FCHSD1: variants seen among roughly 807,000 people sequenced by gnomAD.
The protein encoded by FCHSD1 is F-BAR and double SH3 domains protein 1.
FCHSD1 carries 109 observed loss-of-function variants against 101.3 expected under a neutral mutation model. The ratio of observed to expected loss-of-function variants is 1.08; its 90% CI spans 0.92 to 1.26. FCHSD1 has a LOEUF of 1.26. Ranked by LOEUF, FCHSD1 falls within the 50% of genes most tolerant of loss-of-function variation. FCHSD1 has a pLI of 0.00. For missense variants in FCHSD1, 820 were observed against 895.8 expected, an observed-to-expected ratio of 0.92 and a Z score of 1.08; for synonymous variants, 291 against 356.8, an observed-to-expected ratio of 0.82 and a Z score of 2.08.
Position 141,640,316 on chromosome 5 carries a change from C to A in FCHSD1, c.*1182G>T. The A allele has an allele frequency of 6.2e-7, 1 of 1,613,754 alleles. No individual in the cohort carries two copies. The highest frequency in any genetic ancestry group is 8.5e-7 in the Non-Finnish European group (1 of 1,179,796). ...ACCAGGTAGGAAAACACAGCCGGGACTGCACTGGGCTGGGCTCTTATTGCT... is the reference window on the plus strand; with the variant it reads ...ACCAGGTAGGAAAACACAGCCGGGAATGCACTGGGCTGGGCTCTTATTGCT... On this transcript the variant is annotated 3_prime_UTR_variant, in exon 20 of 20. Coordinates refer to ENST00000435817, the MANE Select transcript of FCHSD1 (RefSeq NM_033449.3).
chr5:141,650,284 T>A (rs573553545), intron 3 of FCHSD1, 75 bp downstream of exon 3: 1 of 1,582,104 alleles, frequency 6.3e-7, no homozygotes, highest in African/African-American at 1.3e-5. Context: ...ACAATAGGGA[T>A]AGGTATGGAC....
intron 17 of FCHSD1, among the ~76,000 whole-genome samples, chr5:141,643,516 T>C (rs1363168668): frequency 1.3e-5 from 2 of 152,220 alleles, no homozygotes; most frequent in African/African-American, 4.8e-5. Context: ...TAACAACAGA[T>C]ATCTTATATT....
intron 2 of FCHSD1, among the ~76,000 whole-genome samples, chr5:141,650,790 T>C (rs1318850039): frequency 6.6e-6 from 1 of 150,818 alleles, no homozygotes; most frequent in East Asian, 2.0e-4. Flanking sequence ...AGTCAAGGGC[T>C]TTGAGGGAGG....
intron 18 of FCHSD1, chr5:141,642,098 A>T: frequency 1.9e-6 from 1 of 513,126 alleles, no homozygotes; most frequent in East Asian, 3.4e-5. Context: ...TGGTAACTCC[A>T]GGGAGGGAGA....
At position 141,649,225 on chromosome 5, in the gene FCHSD1, C is replaced by T. The variant is rs1204192716; in HGVS notation, c.459G>A (p.Gln153=). 1 of 1,614,026 alleles carries T rather than the reference C, an allele frequency of 6.2e-7. No homozygotes were observed. Among genetic ancestry groups the T allele is most frequent in the East Asian group, 2.2e-5 (1 of 44,880 alleles). The change falls in exon 6 of 20, where the codon CAG becomes CAA. Residue 153 remains glutamine, a synonymous_variant. Transcript: ENST00000435817. The surrounding 1 kb of genome is among the most constrained non-coding windows in gnomAD (Gnocchi z 4.1). ...ELSRSRKLYG[Q]RERVWALAQE... ...GTGCCAAGGCCCACACACGTTCCCG[C>T]TGCCCATACAGCTTCCGACTTCGGC...
In FCHSD1 at chr5:141,649,603, C is replaced by T; in HGVS notation, c.234-67G>A. 1.3e-6 allele frequency: 2 copies of T among 1,545,446 alleles called. No homozygotes were observed. The highest frequency in any genetic ancestry group is 1.9e-4 in the Middle Eastern group (1 of 5,372). ...AGCTTCATGAGACCACCCCCACCCC[C>T]TGCCCCCTGACCAACACCATGGGAG... On this transcript the variant is annotated intron_variant, in intron 4 of 19. Transcript: ENST00000435817. This position sits in a 1 kb window ranked among gnomAD's most constrained non-coding sequence, Gnocchi z 4.1.
chr5:141,641,924 C>A (rs2099906953), intron 18 of FCHSD1, 167 bp from the exon 19 acceptor site: 2 of 716,206 alleles, frequency 2.8e-6, no homozygotes, highest in South Asian at 1.7e-5. Flanking sequence ...TATTGGGCAA[C>A]TGCTGTATAA....
intron 7 of FCHSD1, 111 bp downstream of exon 7, chr5:141,648,845 AG>A: frequency 8.1e-7 from 1 of 1,240,872 alleles, no homozygotes; most frequent in Non-Finnish European, 1.2e-6. Flanking sequence ...CCCAGGAAGT[AG>A]GAGAGCCTGG....
rs2099908104 is a variant in FCHSD1 at position 141,649,540 on chromosome 5, C to T, written c.234-4G>A. ...GGCACCGAACACTGTCCTGCCCCTCCCCAGAGAAGGTCTGTGTTGAGGAGG... is the reference window on the plus strand; with the variant it reads ...GGCACCGAACACTGTCCTGCCCCTCTCCAGAGAAGGTCTGTGTTGAGGAGG... On this transcript the variant is annotated splice_region_variant and splice_polypyrimidine_tract_variant and intron_variant, in intron 4 of 19. Transcript: ENST00000435817. This position sits in a 1 kb window ranked among gnomAD's most constrained non-coding sequence, Gnocchi z 4.1. The T allele has an allele frequency of 1.2e-6, 2 of 1,610,484 alleles. No homozygotes were observed. The highest frequency in any genetic ancestry group is 1.3e-5 in the African/African-American group (1 of 74,890).
intron 18 of FCHSD1, chr5:141,642,643 G>A (rs1442150163): frequency 1.9e-6 from 1 of 540,530 alleles, no homozygotes; most frequent in African/African-American, 2.0e-5. Context: ...CGTGAGAGAA[G>A]TTAGCTAATT....
Position 141,640,533 on chromosome 5 carries a change from C to CG in FCHSD1, c.*964dup. ...AAGCCTTTCGGCTCCCTGAACCCCC[C>CG]GAGTAAACTGCAGGCTTAGCCTTTG... On this transcript the variant is annotated 3_prime_UTR_variant, in exon 20 of 20. Coordinates refer to ENST00000435817, the MANE Select transcript of FCHSD1 (RefSeq NM_033449.3). 1 of 1,602,154 alleles carries CG rather than the reference C, an allele frequency of 6.2e-7. No homozygotes were observed. The highest frequency in any genetic ancestry group is 2.2e-5 in the East Asian group (1 of 44,452).
In FCHSD1 at chr5:141,639,665, C is replaced by T. The variant is rs1284067112; in HGVS notation, c.*1833G>A. ...CTGTGGGCAGGTGGGGCAGGTGCTC[C>T]AGGGAAAGGGGGGCTGAGGTAGGGG... On this transcript the variant is annotated 3_prime_UTR_variant, in exon 20 of 20. Coordinates refer to ENST00000435817, the MANE Select transcript of FCHSD1 (RefSeq NM_033449.3). The surrounding 1 kb of genome is among the most constrained non-coding windows in gnomAD (Gnocchi z 4.4). The T allele has an allele frequency of 6.3e-7, 1 of 1,587,626 alleles. No individual in the cohort carries two copies. Among genetic ancestry groups the T allele is most frequent in the Non-Finnish European group, 8.6e-7 (1 of 1,166,500 alleles).
rs1465445092 is a variant in FCHSD1 at position 141,648,490 on chromosome 5, C to A, written c.577-394G>T. On this transcript the variant is annotated intron_variant, in intron 7 of 19. Coordinates refer to ENST00000435817, the MANE Select transcript of FCHSD1 (RefSeq NM_033449.3). Reference sequence around the variant, plus strand: ...CATTTCTTCTCTCTGCAATGTTCTTCCCCTAGATCTTTGCAAGGCCAGCTC... The same window carrying A: ...CATTTCTTCTCTCTGCAATGTTCTTACCCTAGATCTTTGCAAGGCCAGCTC... Among the ~76,000 whole-genome samples, 3 of 152,180 alleles carry A rather than the reference C, an allele frequency of 2.0e-5. No homozygotes were observed. The East Asian group carries it at 5.8e-4, about 29-fold the overall frequency.
At chr5:141,647,928 CT>C in intron 8 of FCHSD1, 39 bp downstream of exon 8, 2 of 1,603,100 alleles carry the variant, frequency 1.2e-6, no homozygotes, top group Admixed American at 3.4e-5. Flanking sequence ...CCTCCTTTCC[CT>C]CCCTGCTGAG....
chr5:141,651,255 C>G, intron 1 of FCHSD1, 93 bp downstream of exon 1: 5 of 1,544,210 alleles, frequency 3.2e-6, no homozygotes, highest in Non-Finnish European at 4.4e-6. Flanking sequence ...CTGACCCCTT[C>G]CGACTTCCCG....
At position 141,640,529 on chromosome 5, in the gene FCHSD1, C is replaced by T. The variant is rs571156836; in HGVS notation, c.*969G>A. The T allele has an allele frequency of 6.2e-7, 1 of 1,606,258 alleles. No homozygotes were observed. The highest frequency in any genetic ancestry group is 1.1e-5 in the South Asian group (1 of 90,116). ...ATTTAAGCCTTTCGGCTCCCTGAAC[C>T]CCCCGAGTAAACTGCAGGCTTAGCC... On this transcript the variant is annotated 3_prime_UTR_variant, in exon 20 of 20. Transcript: ENST00000435817.
rs1490768882 is a variant in FCHSD1 at position 141,651,105 on chromosome 5, G to A, written c.34C>T (p.Gln12Ter). 1 of 1,589,408 alleles carries A rather than the reference G, an allele frequency of 6.3e-7. No homozygotes were observed. The highest frequency in any genetic ancestry group is 1.1e-5 in the South Asian group (1 of 87,264). Residue 12 changes from glutamine (Q) to a stop codon, truncating the protein, a stop_gained, in exon 2 of 20, where the codon CAG (glutamine) becomes TAG (stop). Transcript: ENST00000435817. LOFTEE classifies it high-confidence loss of function. Reference protein sequence around the residue: ...QPPPRKVKPAQEVKLRFLEQL... With the variant: ...QPPPRKVKPA ...TCCAGGAAGCGAAGCTTCACCTCCTGGGCCGGCTTCACCTGTGGGGGCAAA... is the reference window on the plus strand; with the variant it reads ...TCCAGGAAGCGAAGCTTCACCTCCTAGGCCGGCTTCACCTGTGGGGGCAAA...
intron 7 of FCHSD1, 110 bp downstream of exon 7, chr5:141,648,847 G>A (rs1486406402): frequency 1.6e-6 from 2 of 1,268,418 alleles, no homozygotes; most frequent in African/African-American, 3.0e-5. Context: ...CAGGAAGTAG[G>A]AGAGCCTGGA....
Position 141,639,536 on chromosome 5 carries a change from C to T in FCHSD1, c.*1962G>A. 1 of 1,614,068 alleles carries T rather than the reference C, an allele frequency of 6.2e-7. No homozygotes were observed. The highest frequency in any genetic ancestry group is 1.3e-5 in the African/African-American group (1 of 75,052). Reference sequence around the variant, plus strand: ...ACACAGTGCACCTGGGCTCTGCAGCCCCTTGCCTCCATTGCAGCCGCAGCA... The same window carrying T: ...ACACAGTGCACCTGGGCTCTGCAGCTCCTTGCCTCCATTGCAGCCGCAGCA... On this transcript the variant is annotated 3_prime_UTR_variant, in exon 20 of 20. Coordinates refer to ENST00000435817, the MANE Select transcript of FCHSD1 (RefSeq NM_033449.3). This position sits in a 1 kb window ranked among gnomAD's most constrained non-coding sequence, Gnocchi z 4.4.
Sources: gnomAD v4.1 joint callset for allele counts (sites outside exome capture counted in the v4.1 genomes callset) on GRCh38, gnomAD v4.1.1 for gene constraint, Gnocchi (gnomAD v3.1) non-coding constraint, MANE v1.5 for transcripts, NCBI Gene and HGNC (gene_info 2026-07-23, HGNC 2026-07-21) for gene names.